The following GPC5 variants were observed in gnomAD, a reference collection of about 807,000 sequenced individuals.
GPC5 encodes glypican 5.
Under a neutral mutation model 53.9 loss-of-function variants are expected in GPC5, and 47 were observed. The observed-to-expected ratio is 0.87, with a 90% CI of 0.69 to 1.11. GPC5 has a LOEUF of 1.11. GPC5 is among the 50% of genes most tolerant of loss of function. The pLI is 0.00. For synonymous variants in GPC5, 286 were observed against 263.3 expected (o/e 1.09, Z -0.84); for missense variants, 748 against 713.1 (o/e 1.05, Z -0.56).
intron 7 of GPC5, among the ~76,000 whole-genome samples, chr13:92,549,544 A>G (rs1882236028): frequency 6.6e-6 from 1 of 151,964 alleles, no homozygotes; most frequent in Non-Finnish European, 1.5e-5. Context: ...ATATTTCACT[A>G]TGTCTCATGC....
chr13:92,306,825 G>T (rs1249624730), intron 7 of GPC5, among the ~76,000 whole-genome samples: 1 of 152,090 alleles, frequency 6.6e-6, no homozygotes, highest in Non-Finnish European at 1.5e-5. Context: ...TCAAAAGAAG[G>T]GTCCACCTTT....
At chr13:92,274,974 T>A (rs143529182) in intron 7 of GPC5, among the ~76,000 whole-genome samples, 1 of 150,516 alleles carries the variant, frequency 6.6e-6, no homozygotes, top group East Asian at 2.0e-4. Flanking sequence ...GATAAAAAAT[T>A]CATTAATGAA....
intron 7 of GPC5, among the ~76,000 whole-genome samples, chr13:92,783,849 AG>A (rs1876119288): frequency 6.6e-6 from 1 of 152,174 alleles, no homozygotes; most frequent in Admixed American, 6.5e-5. Flanking sequence ...CTCAGAAGCC[AG>A]TTTAAGAAGA....
intron 7 of GPC5, among the ~76,000 whole-genome samples, chr13:92,259,956 C>T (rs2042754533): frequency 6.6e-6 from 1 of 152,134 alleles, no homozygotes. Context: ...CTCGTAGGGA[C>T]AGGTAATTCT....
rs988534268 is a variant in GPC5, at chr13:91,907,482, A to ACT, written c.1281-436_1281-435dup. On this transcript the variant is annotated intron_variant, in intron 5 of 7. Coordinates refer to ENST00000377067, the MANE Select transcript of GPC5 (RefSeq NM_004466.6). ...CTATATAATATAGATATATTAGGCT[A>ACT]CTCTCTCTCTCTCTCTCTCTTTATA... Among the ~76,000 whole-genome samples, 399 of 104,282 alleles carry ACT rather than the reference A, an allele frequency of 3.8e-3. 7 individuals are homozygous for ACT. Among genetic ancestry groups the ACT allele is most frequent in the African/African-American group, 7.7e-3 (194 of 25,104 alleles). 68.4% of individuals were successfully genotyped at this position (104,282 alleles called of 152,430 possible).
chr13:91,741,137 C>G (rs1359375490), intron 4 of GPC5, among the ~76,000 whole-genome samples: 1 of 151,808 alleles, frequency 6.6e-6, no homozygotes, highest in Admixed American at 6.6e-5. Context: ...TACTATCAGA[C>G]AGGATTTTGA....
intron 5 of GPC5, among the ~76,000 whole-genome samples, chr13:91,816,032 TA>T (rs2038394013): frequency 6.6e-6 from 1 of 152,176 alleles, no homozygotes; most frequent in South Asian, 2.1e-4. Flanking sequence ...CTTACCTAGC[TA>T]AATAATATTA....
At chr13:92,385,614 C>CAT (rs1874645013) in intron 7 of GPC5, among the ~76,000 whole-genome samples, 1 of 140,996 alleles carries the variant, frequency 7.1e-6, no homozygotes, top group Non-Finnish European at 1.5e-5. Context: ...TACACATATA[C>CAT]ATATACATAC....
chr13:92,329,491 C>T (rs1162214435), intron 7 of GPC5, among the ~76,000 whole-genome samples: 2 of 152,118 alleles, frequency 1.3e-5, no homozygotes, highest in African/African-American at 4.8e-5. Context: ...CACCAGGCCC[C>T]ACTTCCAACA....
At chr13:92,317,892 T>C (rs1018556835) in intron 7 of GPC5, among the ~76,000 whole-genome samples, 3 of 152,162 alleles carry the variant, frequency 2.0e-5, no homozygotes, top group African/African-American at 7.2e-5. Context: ...CTCGACAGTA[T>C]AAAAATTTTA....
At chr13:92,802,106 A>G (rs1017059100) in intron 7 of GPC5, among the ~76,000 whole-genome samples, 1 of 149,172 alleles carries the variant, frequency 6.7e-6, no homozygotes, top group Admixed American at 6.6e-5. Context: ...GCAAATCTCC[A>G]TTAATAATAA....
intron 7 of GPC5, among the ~76,000 whole-genome samples, chr13:92,213,357 C>T (rs1159919917): frequency 6.6e-6 from 1 of 152,062 alleles, no homozygotes; most frequent in Non-Finnish European, 1.5e-5. Context: ...CAATAACTTG[C>T]AGTGACTAGA....
rs114555900 is a variant in GPC5, at chr13:92,271,030, G to A, written c.1561+126041G>A. On this transcript the variant is annotated intron_variant, in intron 7 of 7. Coordinates refer to ENST00000377067, the MANE Select transcript of GPC5 (RefSeq NM_004466.6). ...TCAAAAAGACATAGAGGCTCTATGA[G>A]GTCTACTGGGAGTTTGGGAGCTGAC... 5.5e-3 allele frequency among the ~76,000 whole-genome samples: 834 copies of A among 152,280 alleles called. 8 individuals carry two copies. Among genetic ancestry groups the A allele is most frequent in the African/African-American group, 0.018 (738 of 41,550 alleles).
intron 7 of GPC5, among the ~76,000 whole-genome samples, chr13:92,256,125 T>C (rs1482371336): frequency 6.6e-6 from 1 of 151,706 alleles, no homozygotes; most frequent in Non-Finnish European, 1.5e-5. Context: ...TTTGTAAAAC[T>C]TGTCAATTTT....
chr13:92,752,819 C>T (rs2139327923), intron 7 of GPC5, among the ~76,000 whole-genome samples: 1 of 152,318 alleles, frequency 6.6e-6, no homozygotes. Flanking sequence ...TTATATCCTG[C>T]ACCTGGCTCG....
At chr13:92,727,726 C>A (rs906570082) in intron 7 of GPC5, among the ~76,000 whole-genome samples, 1 of 151,330 alleles carries the variant, frequency 6.6e-6, no homozygotes, top group African/African-American at 2.4e-5. Flanking sequence ...AAGAAACATA[C>A]CCTTAATGGA....
chr13:91,584,614 T>C (rs1482044943), intron 2 of GPC5, among the ~76,000 whole-genome samples: 1 of 152,108 alleles, frequency 6.6e-6, no homozygotes, highest in East Asian at 1.9e-4. Flanking sequence ...GTTTTGCTCT[T>C]GTTGCCCAGG....
chr13:92,784,432 A>T (rs1045191786), intron 7 of GPC5, among the ~76,000 whole-genome samples: 1 of 151,876 alleles, frequency 6.6e-6, no homozygotes, highest in Admixed American at 6.6e-5. Context: ...ACTAATTATT[A>T]TACTTCCAGA....
intron 3 of GPC5, among the ~76,000 whole-genome samples, chr13:91,718,462 G>T (rs1202871204): frequency 3.9e-5 from 6 of 151,908 alleles, no homozygotes; most frequent in African/African-American, 1.5e-4. Context: ...TCCCTTCTCT[G>T]TGGTTTCTCA....
Sources: allele counts gnomAD v4.1 joint callset (sites outside exome capture counted in the v4.1 genomes callset), GRCh38; gene constraint gnomAD v4.1.1; transcripts MANE v1.5; gene names NCBI Gene and HGNC (gene_info 2026-07-23, HGNC 2026-07-21).